ZNF577: variants seen among roughly 807,000 people sequenced by gnomAD.
ZNF577 encodes the protein zinc finger protein 577.
In ZNF577, 14 loss-of-function variants were observed where a neutral mutation model predicts 13.9. That is an observed-to-expected ratio of 1.00 (90% confidence interval 0.66 to 1.57). The LOEUF (loss-of-function observed/expected upper bound fraction) is 1.57, where lower values mean the gene tolerates loss of function less well. ZNF577 is among the 40% of genes most tolerant of loss of function. The probability of loss-of-function intolerance (pLI) is 0.00; values close to 1 mark genes in which losing one functional copy is unlikely to be tolerated. For synonymous variants in ZNF577, 203 were observed against 202.9 expected, an observed-to-expected ratio of 1.00 and a Z score of 0.00; for missense variants, 555 against 579.2, an observed-to-expected ratio of 0.96 and a Z score of 0.43.
intron 4 of ZNF577, 112 bp downstream of exon 4, chr19:51,878,276 AC>A: frequency 8.3e-7 from 1 of 1,209,242 alleles, no homozygotes. Flanking sequence ...TACCACCACA[AC>A]AAAAAATCTA....
At chr19:51,873,813 T>G in intron 5 of ZNF577, 107 bp from the exon 6 acceptor site, 1 of 881,858 alleles carries the variant, frequency 1.1e-6, no homozygotes, top group Non-Finnish European at 1.7e-6. Flanking sequence ...GGGCATAACT[T>G]TGTTGACATC....
At chr19:51,878,241 AC>A in intron 4 of ZNF577, 147 bp downstream of exon 4, 1 of 842,236 alleles carries the variant, frequency 1.2e-6, no homozygotes, top group Non-Finnish European at 1.7e-6. Context: ...TATGGTTAAG[AC>A]GGTAAATTTT....
intron 9 of ZNF577, among the ~76,000 whole-genome samples, chr19:51,836,300 C>T (rs1310334995): frequency 6.6e-6 from 1 of 152,160 alleles, no homozygotes; most frequent in Non-Finnish European, 1.5e-5. Flanking sequence ...TATTGTCAGA[C>T]ACTTCATTAA....
intron 9 of ZNF577, among the ~76,000 whole-genome samples, chr19:51,821,518 T>C (rs1350714296): frequency 1.3e-5 from 2 of 152,126 alleles, no homozygotes; most frequent in Non-Finnish European, 2.9e-5. Flanking sequence ...AGTGCCAACG[T>C]TGAGAAACCT....
At chr19:51,878,287 A>T in intron 4 of ZNF577, 102 bp downstream of exon 4, 1 of 1,275,118 alleles carries the variant, frequency 7.8e-7, no homozygotes, top group Non-Finnish European at 1.1e-6. Flanking sequence ...CAAAAAATCT[A>T]TAACATATAA....
chr19:51,816,228 G>C (rs1490270889), intron 9 of ZNF577, among the ~76,000 whole-genome samples: 1 of 152,156 alleles, frequency 6.6e-6, no homozygotes, highest in Non-Finnish European at 1.5e-5. Context: ...CATCTATTTT[G>C]ACTGTTTTTG....
intron 5 of ZNF577, among the ~76,000 whole-genome samples, chr19:51,852,039 A>C (rs1337922142): frequency 6.6e-6 from 1 of 152,214 alleles, no homozygotes. Flanking sequence ...ACCTGCTGCC[A>C]TGAAAGTATA....
Position 51,871,405 on chromosome 19 carries a change from CT to C in ZNF577, c.*1126del. On this transcript the variant is annotated 3_prime_UTR_variant, in exon 6 of 6. Coordinates refer to ENST00000638348, the MANE Select transcript of ZNF577 (RefSeq NM_001370449.1). ...GTGCTGAGATTACAGGTGTGAGCCA[CT>C]GTGCCTGGCCAGGTAGGTTAATTTA... is the stretch of plus-strand genomic sequence containing the variant. 1 of 152,130 alleles carries C rather than the reference CT, an allele frequency of 6.6e-6. No homozygotes were observed. The highest frequency in any genetic ancestry group is 1.5e-5 in the Non-Finnish European group (1 of 67,994). The allele number at this position is 152,130 out of a possible 1,614,324, so 9.4% of individuals were successfully genotyped here.
chr19:51,813,119 AACACACACACACACACACACACACACAC>A (rs35245083), intron 9 of ZNF577, among the ~76,000 whole-genome samples: 1 of 137,122 alleles, frequency 7.3e-6, no homozygotes, highest in Non-Finnish European at 1.6e-5. Flanking sequence ...GCTCTGTCTC[AACACACACACACACACACACACACACAC>A]ACACACACAC....
intron 5 of ZNF577, among the ~76,000 whole-genome samples, chr19:51,874,588 A>G (rs2122672900): frequency 6.6e-6 from 1 of 152,344 alleles, no homozygotes; most frequent in East Asian, 1.9e-4. Context: ...GATTAAAAAC[A>G]TGAAGATTTT....
At chr19:51,883,868 T>G (rs1047613763) in intron 1 of ZNF577, among the ~76,000 whole-genome samples, 12 of 151,360 alleles carry the variant, frequency 7.9e-5, no homozygotes, top group African/African-American at 2.9e-4. Context: ...AGGTCAAGAG[T>G]TCAAGACCAG....
rs2084221491 is a variant in ZNF577 at position 51,824,926 on chromosome 19, A to G, written c.*600-13252T>C. ...CACCACCACCACAATCATCAACATA[A>G]AGGAAGTCTGTACCAAATCTGTAGG... On this transcript the variant is annotated intron_variant and NMD_transcript_variant, in intron 9 of 10. Coordinates refer to the ZNF577 transcript ENST00000638827. The surrounding 1 kb of genome is among the most constrained non-coding windows in gnomAD (Gnocchi z 4.7). 1 of 823,000 alleles carries G rather than the reference A, an allele frequency of 1.2e-6. No homozygotes were observed. The highest frequency in any genetic ancestry group is 1.7e-5 in the African/African-American group (1 of 57,720). The allele number at this position is 823,000 out of a possible 1,614,324, so 51.0% of individuals were successfully genotyped here.
chr19:51,852,689 G>A (rs2084384921), intron 5 of ZNF577, among the ~76,000 whole-genome samples: 1 of 151,894 alleles, frequency 6.6e-6, no homozygotes, highest in African/African-American at 2.4e-5. Context: ...GAAGGTGATA[G>A]GTGGGATGTT....
chr19:51,815,543 T>C (rs1001040854), intron 9 of ZNF577, among the ~76,000 whole-genome samples: 2 of 143,704 alleles, frequency 1.4e-5, no homozygotes, highest in African/African-American at 5.3e-5. Flanking sequence ...CACTCCAGCC[T>C]GAGGGACAGG....
At chr19:51,811,270 A>G (rs2084094782) in intron 10 of ZNF577, among the ~76,000 whole-genome samples, 1 of 152,154 alleles carries the variant, frequency 6.6e-6, no homozygotes, top group Admixed American at 6.5e-5. Flanking sequence ...ACCATGGGTT[A>G]TGTGTAATAA....
chr19:51,822,925 C>T (rs555400828), intron 9 of ZNF577, among the ~76,000 whole-genome samples: 8 of 152,186 alleles, frequency 5.3e-5, no homozygotes, highest in African/African-American at 1.4e-4. Context: ...TGCAGTGGCA[C>T]GATCTTGGCT....
At chr19:51,879,186 G>A (rs2084818779) in intron 3 of ZNF577, among the ~76,000 whole-genome samples, 3 of 151,904 alleles carry the variant, frequency 2.0e-5, no homozygotes, top group East Asian at 1.9e-4. Flanking sequence ...GAACCCGGGA[G>A]GCAGAGCTTG....
rs1291260976 is a variant in ZNF577 at position 51,869,286 on chromosome 19, T to C, written c.*3246A>G. On this transcript the variant is annotated 3_prime_UTR_variant, in exon 6 of 6. Transcript: ENST00000638348. Reference sequence around the variant, plus strand: ...TTGCTGAGATAGGAGAAAACCACCTTATGGCTGGATGTGAGACATGCTGGC... The same window carrying C: ...TTGCTGAGATAGGAGAAAACCACCTCATGGCTGGATGTGAGACATGCTGGC... Among the ~76,000 whole-genome samples the C allele has an allele frequency of 6.6e-6, 1 of 152,176 alleles. No individual in the cohort carries two copies. Among genetic ancestry groups the C allele is most frequent in the African/African-American group, 2.4e-5 (1 of 41,446 alleles).
At chr19:51,818,876 G>A (rs1011696386) in intron 9 of ZNF577, among the ~76,000 whole-genome samples, 24 of 152,290 alleles carry the variant, frequency 1.6e-4, no homozygotes, top group Admixed American at 1.6e-3. Context: ...TAACATCATT[G>A]TCTTATTTTT....
Sources: gnomAD v4.1 joint callset for allele counts (sites outside exome capture counted in the v4.1 genomes callset) on GRCh38, gnomAD v4.1.1 for gene constraint, Gnocchi (gnomAD v3.1) non-coding constraint, MANE v1.5 for transcripts, NCBI Gene and HGNC (gene_info 2026-07-23, HGNC 2026-07-21) for gene names.